Variants in NME4 observed in about 807,000 individuals in gnomAD.
The protein encoded by NME4 is nucleoside diphosphate kinase D, mitochondrial.
Under a neutral mutation model 16.4 loss-of-function variants are expected in NME4, and 21 were observed. The observed-to-expected ratio is 1.28, with a 90% confidence interval of 0.91 to 1.84. The LOEUF is 1.84. Among genes scored for constraint, NME4 ranks in the 40% most tolerant of loss-of-function variants. NME4 has a pLI of 0.00. For missense variants in NME4, 316 were observed against 261.3 expected, an observed-to-expected ratio of 1.21 and a Z score of -1.44; for synonymous variants, 132 against 107.5, an observed-to-expected ratio of 1.23 and a Z score of -1.41.
rs1232752781 is a variant in NME4 at position 400,241 on chromosome 16, TC to T, written c.465del (p.Val156TrpfsTer18). On this transcript the variant is annotated frameshift_variant, in exon 5 of 5. Coordinates refer to ENST00000219479, the MANE Select transcript of NME4 (RefSeq NM_005009.3). LOFTEE classifies it low-confidence loss of function (END_TRUNC). Reference sequence around the variant, plus strand: ...CAGGAATGTCATCCACGCCAGCGACTCCGTGGAGGGGGCCCAGCGGGAGATC... The same window carrying T: ...CAGGAATGTCATCCACGCCAGCGACTCGTGGAGGGGGCCCAGCGGGAGATC... ...ISRNVIHASD[S>X]VEGAQREIQL... 1.2e-6 allele frequency: 2 copies of T among 1,604,482 alleles called. No homozygotes were observed. The highest frequency in any genetic ancestry group is 2.2e-5 in the South Asian group (2 of 90,824).
At position 400,343 on chromosome 16, in the gene NME4, G is replaced by T. The variant is rs201253704; in HGVS notation, c.*1G>T. ...GCACAGCAGCATCCACCCAGCCTGAGGCTCAAGCTGCCCTTACCACCCCAT... is the reference window on the plus strand; with the variant it reads ...GCACAGCAGCATCCACCCAGCCTGATGCTCAAGCTGCCCTTACCACCCCAT... On this transcript the variant is annotated 3_prime_UTR_variant, in exon 5 of 5. Coordinates refer to ENST00000219479, the MANE Select transcript of NME4 (RefSeq NM_005009.3). 44 of 1,599,888 alleles carry T rather than the reference G, an allele frequency of 2.8e-5. No individual in the cohort carries two copies. In the East Asian group the frequency reaches 9.4e-4, roughly 34 times the overall value.
chr16:397,882 TC>T, intron 1 of NME4: 1 of 1,554,466 alleles, frequency 6.4e-7, no homozygotes. Context: ...GTCCCAGGGC[TC>T]CCTCCATCGG....
In NME4 at chr16:397,250, C is replaced by T. The variant is rs2054560326; in HGVS notation, c.28C>T (p.Leu10=). 7 of 1,044,352 alleles carry T rather than the reference C, an allele frequency of 6.7e-6. No homozygotes were observed. The highest frequency in any genetic ancestry group is 8.0e-6 in the Non-Finnish European group (7 of 870,404). 64.7% of individuals were successfully genotyped at this position (1,044,352 alleles called of 1,614,324 possible). A position where few individuals can be genotyped will look rare whatever the true frequency, so the allele number is the denominator to read the frequency against. The change falls in exon 1 of 5, where the codon CTG becomes TTG. Residue 10 remains leucine (L), a synonymous_variant. Coordinates refer to ENST00000219479, the MANE Select transcript of NME4 (RefSeq NM_005009.3). ...GGGCGGCCTCTTCTGGCGCTCCGCG[C>T]TGCGGGGGCTGCGCTGCGGCCCGCG... is the stretch of plus-strand genomic sequence containing the variant. MGGLFWRSA[L]RGLRCGPRAP...
chr16:400,314 G>C lies in NME4; in HGVS notation c.536G>C (p.Gly179Ala), dbSNP rs1041363396. 1 of 1,605,484 alleles carries C rather than the reference G, an allele frequency of 6.2e-7. No individual in the cohort carries two copies. The highest frequency in any genetic ancestry group is 1.3e-5 in the African/African-American group (1 of 74,684). ...GAGCTGGTGAGCTGGGCAGACGGGGGCCAGCACAGCAGCATCCACCCAGCC... is the reference window on the plus strand; with the variant it reads ...GAGCTGGTGAGCTGGGCAGACGGGGCCCAGCACAGCAGCATCCACCCAGCC... ...SSELVSWADG[G>A]QHSSIHPA Residue 179 changes from glycine (G) to alanine (A), a missense_variant, in exon 5 of 5, where the codon GGC becomes GCC. By Grantham distance (60) the Gly-to-Ala change is moderately conservative. Transcript: ENST00000219479.
chr16:398,131 C>G, intron 1 of NME4: 1 of 1,531,666 alleles, frequency 6.5e-7, no homozygotes, highest in Non-Finnish European at 8.8e-7. Flanking sequence ...ACCAGGGACC[C>G]GATGCCGGAG....
chr16:400,474 C>A lies in NME4; in HGVS notation c.*132C>A. ...CCTGTTCACCTCTGCCCCACCCCAG[C>A]CCAGAGGAGTTTGAGCCACCAACTT... On this transcript the variant is annotated 3_prime_UTR_variant, in exon 5 of 5. Coordinates refer to ENST00000219479, the MANE Select transcript of NME4 (RefSeq NM_005009.3). 2 of 1,197,826 alleles carry A rather than the reference C, an allele frequency of 1.7e-6. No homozygotes were observed. The highest frequency in any genetic ancestry group is 1.1e-6 in the Non-Finnish European group (1 of 889,010). The allele number at this position is 1,197,826 out of a possible 1,614,324, so 74.2% of individuals were successfully genotyped here. A position where few individuals can be genotyped will look rare whatever the true frequency, so the allele number is the denominator to read the frequency against.
chr16:400,026 G>A, intron 4 of NME4, 193 bp from the exon 5 acceptor site: 1 of 833,624 alleles, frequency 1.2e-6, no homozygotes. Flanking sequence ...TGGGGCCTGG[G>A]CGGGTCCACG....
At chr16:398,227 C>T (rs767447840) in intron 1 of NME4, 4 of 1,437,390 alleles carry the variant, frequency 2.8e-6, no homozygotes, top group Middle Eastern at 1.8e-4. Flanking sequence ...CAGAGGAGGA[C>T]GGCTGGGGCG....
chr16:398,214 C>T (rs543668330), intron 1 of NME4: 19 of 1,461,868 alleles, frequency 1.3e-5, no homozygotes, highest in Admixed American at 2.1e-5. Context: ...GCAGCGTCCC[C>T]TCCAGAGGAG....
rs1458857720 is a variant in NME4, at chr16:398,981, C to G, written c.92-9C>G. 1.9e-6 allele frequency: 3 copies of G among 1,609,850 alleles called. No homozygotes were observed. The highest frequency in any genetic ancestry group is 2.5e-6 in the Non-Finnish European group (3 of 1,179,820). On this transcript the variant is annotated splice_polypyrimidine_tract_variant and intron_variant, in intron 1 of 4. Coordinates refer to ENST00000219479, the MANE Select transcript of NME4 (RefSeq NM_005009.3). ...GGTGGCAGTGCCTCTGACCTCTTGCCTTTTGAAGGAGGGCCCTCCTGGACC... is the reference window on the plus strand; with the variant it reads ...GGTGGCAGTGCCTCTGACCTCTTGCGTTTTGAAGGAGGGCCCTCCTGGACC...
At chr16:398,674 C>T (rs1336491766) in intron 1 of NME4, 2 of 453,876 alleles carry the variant, frequency 4.4e-6, no homozygotes, top group Non-Finnish European at 8.0e-6. Context: ...ATGGACCTTG[C>T]GGTGGTGGTC....
At position 400,578 on chromosome 16, in the gene NME4, T is replaced by TGG; in HGVS notation, c.*244_*245dup. On this transcript the variant is annotated 3_prime_UTR_variant, in exon 5 of 5. Transcript: ENST00000219479. ...CCAAAGTGCCGGACAACCTTTGTGG[T>TGG]GGGGGGGGGTCTTCACATTATCATA... 1 of 467,546 alleles carries TGG rather than the reference T, an allele frequency of 2.1e-6. No individual in the cohort carries two copies. The highest frequency in any genetic ancestry group is 3.8e-6 in the Non-Finnish European group (1 of 265,814). The allele number at this position is 467,546 out of a possible 1,614,324, so 29.0% of individuals were successfully genotyped here.
rs2054637398 is a variant in NME4 at position 400,363 on chromosome 16, C to T, written c.*21C>T. 10 of 1,592,128 alleles carry T rather than the reference C, an allele frequency of 6.3e-6. No homozygotes were observed. Among genetic ancestry groups the T allele is most frequent in the Non-Finnish European group, 8.5e-6 (10 of 1,176,676 alleles). ...CCTGAGGCTCAAGCTGCCCTTACCA[C>T]CCCATCCCCCACGCAGGACCAACTA... On this transcript the variant is annotated 3_prime_UTR_variant, in exon 5 of 5. Coordinates refer to ENST00000219479, the MANE Select transcript of NME4 (RefSeq NM_005009.3).
chr16:397,765 T>C, intron 1 of NME4: 1 of 1,130,846 alleles, frequency 8.8e-7, no homozygotes, highest in Non-Finnish European at 1.1e-6. Context: ...GCTGGGGCGT[T>C]CGCTGAAGGC....
chr16:400,105 G>A (rs537163361), intron 4 of NME4, 114 bp from the exon 5 acceptor site: 73 of 1,443,470 alleles, frequency 5.1e-5, no homozygotes, highest in Non-Finnish European at 6.8e-5. Flanking sequence ...TTCCCTGTCT[G>A]CAGTCACAGG....
chr16:400,476 C>G lies in NME4; in HGVS notation c.*134C>G, dbSNP rs8967. ...TGTTCACCTCTGCCCCACCCCAGCC[C>G]AGAGGAGTTTGAGCCACCAACTTCA... On this transcript the variant is annotated 3_prime_UTR_variant, in exon 5 of 5. Coordinates refer to ENST00000219479, the MANE Select transcript of NME4 (RefSeq NM_005009.3). The G allele has an allele frequency of 4.8e-5, 57 of 1,199,402 alleles. No individual in the cohort carries two copies. The highest frequency in any genetic ancestry group is 2.5e-5 in the Non-Finnish European group (22 of 891,592). The allele number at this position is 1,199,402 out of a possible 1,614,324, so 74.3% of individuals were successfully genotyped here. A position where few individuals can be genotyped will look rare whatever the true frequency, so the allele number is the denominator to read the frequency against.
Position 399,363 on chromosome 16 carries a change from C to T in NME4, c.226-16C>T, listed in dbSNP as rs747064661. On this transcript the variant is annotated splice_polypyrimidine_tract_variant and intron_variant, in intron 2 of 4. Coordinates refer to ENST00000219479, the MANE Select transcript of NME4 (RefSeq NM_005009.3). ...GTTTACTGTCTGCGGCTCCTCCTTACCTCAATGCCACCCAGGCACCAGAGA... is the reference window on the plus strand; with the variant it reads ...GTTTACTGTCTGCGGCTCCTCCTTATCTCAATGCCACCCAGGCACCAGAGA... 2 of 1,611,820 alleles carry T rather than the reference C, an allele frequency of 1.2e-6. No individual in the cohort carries two copies. Among genetic ancestry groups the T allele is most frequent in the Non-Finnish European group, 1.7e-6 (2 of 1,178,974 alleles).
intron 1 of NME4, chr16:398,442 G>A: frequency 3.4e-6 from 4 of 1,187,282 alleles, no homozygotes; most frequent in Non-Finnish European, 4.3e-6. Flanking sequence ...CAGACACAGG[G>A]TGGGCTCTGG....
Position 400,428 on chromosome 16 carries a change from C to G in NME4, c.*86C>G. 1 of 1,511,482 alleles carries G rather than the reference C, an allele frequency of 6.6e-7. No homozygotes were observed. The highest frequency in any genetic ancestry group is 8.8e-7 in the Non-Finnish European group (1 of 1,131,548). The allele number at this position is 1,511,482 out of a possible 1,614,324, so 93.6% of individuals were successfully genotyped here. ...AACCCAAGCCCACATCCAAACCTGC[C>G]TGTCCCAAACCACTTACTTCCCTGT... On this transcript the variant is annotated 3_prime_UTR_variant, in exon 5 of 5. Transcript: ENST00000219479.
Sources: gnomAD v4.1 joint callset for allele counts on GRCh38, gnomAD v4.1.1 for gene constraint, MANE v1.5 for transcripts, NCBI Gene and HGNC (gene_info 2026-07-23, HGNC 2026-07-21) for gene names.